Variants in TNKS observed in about 807,000 individuals in gnomAD.
TNKS encodes poly [ADP-ribose] polymerase tankyrase-1.
Under a neutral mutation model 135.8 loss-of-function variants are expected in TNKS, and 72 were observed. That is an observed-to-expected ratio of 0.53 (90% confidence interval 0.44 to 0.64). The LOEUF is 0.64. Among genes scored for constraint, TNKS ranks in the 30% least tolerant of loss-of-function variants. TNKS has a pLI of 0.00. For missense variants in TNKS, 1,769 were observed against 1,674.0 expected (o/e 1.06, Z -0.99); for synonymous variants, 849 against 649.3 (o/e 1.31, Z -4.68).
At chr8:9,682,441 C>T (rs1802821879) in intron 5 of TNKS, among the ~76,000 whole-genome samples, 1 of 152,130 alleles carries the variant, frequency 6.6e-6, no homozygotes, top group Non-Finnish European at 1.5e-5. Flanking sequence ...GCTTCATCTC[C>T]TACACAAATG....
intron 2 of TNKS, among the ~76,000 whole-genome samples, chr8:9,587,639 T>G (rs2129054952): frequency 6.6e-6 from 1 of 152,206 alleles, no homozygotes; most frequent in East Asian, 1.9e-4. Context: ...CCTGACCTTG[T>G]GATCCGCCCG....
Position 9,763,258 on chromosome 8 carries a change from G to C in TNKS, c.3372+14G>C. Reference sequence around the variant, plus strand: ...GTGGAAGAAGAGGTAATATACATCAGAAATCTTTCATTTGCTTTTCTTGAA... The same window carrying C: ...GTGGAAGAAGAGGTAATATACATCACAAATCTTTCATTTGCTTTTCTTGAA... On this transcript the variant is annotated intron_variant, in intron 22 of 26. Transcript: ENST00000310430. 1 of 1,514,258 alleles carries C rather than the reference G, an allele frequency of 6.6e-7. No individual in the cohort carries two copies. The highest frequency in any genetic ancestry group is 9.0e-7 in the Non-Finnish European group (1 of 1,106,456). The allele number at this position is 1,514,258 out of a possible 1,614,324, so 93.8% of individuals were successfully genotyped here.
chr8:9,702,987 GC>G (rs1803882578), intron 5 of TNKS, among the ~76,000 whole-genome samples: 1 of 152,280 alleles, frequency 6.6e-6, no homozygotes, highest in African/African-American at 2.4e-5. Context: ...CTGCACTCCA[GC>G]CTGGGCAACA....
chr8:9,622,396 C>T (rs974359063), intron 3 of TNKS, among the ~76,000 whole-genome samples: 1 of 152,132 alleles, frequency 6.6e-6, no homozygotes, highest in African/African-American at 2.4e-5. Flanking sequence ...TCCTTTGATC[C>T]AGGTGCTATT....
intron 3 of TNKS, among the ~76,000 whole-genome samples, chr8:9,667,437 C>G (rs898575492): frequency 5.3e-5 from 8 of 152,322 alleles, no homozygotes; most frequent in East Asian, 3.9e-4. Flanking sequence ...GATGCGTAAG[C>G]CTACTGAGGG....
At chr8:9,654,672 A>G (rs780674121) in intron 3 of TNKS, among the ~76,000 whole-genome samples, 84 of 152,214 alleles carry the variant, frequency 5.5e-4, no homozygotes, top group Middle Eastern at 3.2e-3. Flanking sequence ...TAGATGATAG[A>G]TTTCATGTAT....
chr8:9,584,224 A>G (rs1554441755), intron 2 of TNKS, among the ~76,000 whole-genome samples: 1 of 148,530 alleles, frequency 6.7e-6, no homozygotes, highest in Non-Finnish European at 1.5e-5. Context: ...GATTTTTTTC[A>G]TTTTGACTAA....
At chr8:9,661,046 A>C (rs1228659095) in intron 3 of TNKS, among the ~76,000 whole-genome samples, 24 of 151,670 alleles carry the variant, frequency 1.6e-4, no homozygotes, top group African/African-American at 5.6e-4. Context: ...GGACCTCTTC[A>C]AGGAGAACTA....
intron 3 of TNKS, among the ~76,000 whole-genome samples, chr8:9,663,882 C>G (rs1397125055): frequency 6.6e-6 from 1 of 152,160 alleles, no homozygotes; most frequent in Non-Finnish European, 1.5e-5. Context: ...TTCAGTAACC[C>G]AGAAACACTT....
At chr8:9,596,274 A>T (rs1205185973) in intron 2 of TNKS, among the ~76,000 whole-genome samples, 1 of 152,110 alleles carries the variant, frequency 6.6e-6, no homozygotes, top group East Asian at 1.9e-4. Flanking sequence ...GTTATCTGAA[A>T]CTCATATATT....
At chr8:9,621,521 G>C (rs1310418787) in intron 3 of TNKS, among the ~76,000 whole-genome samples, 2 of 152,136 alleles carry the variant, frequency 1.3e-5, no homozygotes, top group Non-Finnish European at 2.9e-5. Flanking sequence ...GGTCAGGCTA[G>C]TCTCGAACTC....
intron 17 of TNKS, among the ~76,000 whole-genome samples, chr8:9,743,861 T>A (rs1806096760): frequency 6.6e-6 from 1 of 152,238 alleles, no homozygotes; most frequent in Non-Finnish European, 1.5e-5. Flanking sequence ...TTAGGAATAA[T>A]CTATATATTT....
intron 3 of TNKS, among the ~76,000 whole-genome samples, chr8:9,636,702 C>T (rs1008472455): frequency 6.6e-6 from 1 of 152,130 alleles, no homozygotes; most frequent in African/African-American, 2.4e-5. Flanking sequence ...CTTGCCTTTT[C>T]CATAAGATGA....
Position 9,556,300 on chromosome 8 carries a change from G to C in TNKS, c.361G>C (p.Ala121Pro). 6 of 1,614,248 alleles carry C rather than the reference G, an allele frequency of 3.7e-6. No individual in the cohort carries two copies. The highest frequency in any genetic ancestry group is 4.2e-6 in the Non-Finnish European group (5 of 1,180,048). Residue 121 changes from alanine (A) to proline (P), a missense_variant, in exon 1 of 27, where the codon GCC becomes CCC. Coordinates refer to ENST00000310430, the MANE Select transcript of TNKS (RefSeq NM_003747.3). The part of the protein sequence containing the change: ...SSAAGVAPNP[A>P]GSGSNNSPSS... ...TGCCGCTGGGGTCGCTCCCAACCCA[G>C]CCGGCAGTGGCAGTAACAATTCACC...
chr8:9,668,544 T>C (rs1802112026), intron 3 of TNKS, among the ~76,000 whole-genome samples: 1 of 152,228 alleles, frequency 6.6e-6, no homozygotes, highest in African/African-American at 2.4e-5. Flanking sequence ...AGACTCAGAA[T>C]AAGCAAATAA....
intron 20 of TNKS, among the ~76,000 whole-genome samples, chr8:9,755,867 C>T (rs1313034715): frequency 1.3e-5 from 2 of 152,136 alleles, no homozygotes; most frequent in African/African-American, 4.8e-5. Context: ...GCCTCACCTC[C>T]TATCTTCACA....
intron 21 of TNKS, among the ~76,000 whole-genome samples, chr8:9,762,904 CAA>C (rs148458789): frequency 7.0e-4 from 78 of 112,180 alleles, no homozygotes; most frequent in Admixed American, 9.9e-4. Context: ...GGCTCCGTCT[CAA>C]AAAAAAAAAA....
intron 1 of TNKS, among the ~76,000 whole-genome samples, chr8:9,571,051 C>T (rs913176071): frequency 6.6e-6 from 1 of 152,148 alleles, no homozygotes; most frequent in Non-Finnish European, 1.5e-5. Flanking sequence ...GGGCATTTTG[C>T]TGCATTTTCA....
At chr8:9,669,795 T>C (rs546258941) in intron 3 of TNKS, among the ~76,000 whole-genome samples, 15 of 148,784 alleles carry the variant, frequency 1.0e-4, no homozygotes, top group African/African-American at 3.7e-4. Flanking sequence ...TCTTTACTTC[T>C]TATATAGCCA....
Sources: gnomAD v4.1 joint callset for allele counts (sites outside exome capture counted in the v4.1 genomes callset) on GRCh38, gnomAD v4.1.1 for gene constraint, MANE v1.5 for transcripts, NCBI Gene and HGNC (gene_info 2026-07-23, HGNC 2026-07-21) for gene names.